Variants in ANKRD30A observed in about 807,000 individuals in gnomAD.
ANKRD30A encodes the protein ankyrin repeat domain 30A, also known as ankyrin repeat domain-containing protein 30A.
Under a neutral mutation model 166.3 loss-of-function variants are expected in ANKRD30A, and 170 were observed. That is an observed-to-expected ratio of 1.02 (90% CI 0.90 to 1.16). The LOEUF (loss-of-function observed/expected upper bound fraction) is 1.16. Among genes scored for constraint, ANKRD30A ranks in the 50% most tolerant of loss-of-function variants. The pLI, the probability that ANKRD30A is intolerant of heterozygous loss-of-function variation, is 0.00. For missense variants in ANKRD30A, 1,630 were observed against 1,518.0 expected, an observed-to-expected ratio of 1.07 and a Z score of -1.23; for synonymous variants, 564 against 508.9, an observed-to-expected ratio of 1.11 and a Z score of -1.46.
chr10:37,153,796 C>G (rs540798777), intron 13 of ANKRD30A, 134 bp downstream of exon 13: 8 of 1,267,906 alleles, frequency 6.3e-6, no homozygotes, highest in Non-Finnish European at 8.8e-6. Flanking sequence ...GTGCAATGGT[C>G]GTAAGTTGTA....
chr10:37,262,140 T>G, the ANKRD30A span, among the ~76,000 whole-genome samples: 3 of 152,230 alleles, frequency 2.0e-5, no homozygotes, highest in African/African-American at 7.2e-5. Flanking sequence ...GACAGGTGAT[T>G]AGCAGATTTC....
the ANKRD30A span, among the ~76,000 whole-genome samples, chr10:37,240,138 A>G: frequency 6.6e-6 from 1 of 152,236 alleles, no homozygotes; most frequent in South Asian, 2.1e-4. Context: ...ATTTTTGTAC[A>G]CATATTTAAT....
At chr10:37,194,714 C>A (rs1178110839) in intron 27 of ANKRD30A, among the ~76,000 whole-genome samples, 2 of 152,068 alleles carry the variant, frequency 1.3e-5, no homozygotes, top group South Asian at 4.1e-4. Context: ...GTTTGCTTAT[C>A]GAATATTTTA....
intron 1 of ANKRD30A, among the ~76,000 whole-genome samples, chr10:37,127,360 C>T (rs1198193003): frequency 6.6e-6 from 1 of 151,894 alleles, no homozygotes; most frequent in African/African-American, 2.4e-5. Context: ...TGCCTATTTA[C>T]ACAGATACAT....
At chr10:37,212,357 A>G (rs553470796) in intron 31 of ANKRD30A, among the ~76,000 whole-genome samples, 24 of 152,172 alleles carry the variant, frequency 1.6e-4, no homozygotes, top group South Asian at 4.1e-4. Flanking sequence ...CCACTGCCCA[A>G]TGAAATAAAA....
At chr10:37,195,666 T>G (rs548893626) in intron 27 of ANKRD30A, among the ~76,000 whole-genome samples, 1 of 152,310 alleles carries the variant, frequency 6.6e-6, no homozygotes, top group South Asian at 2.1e-4. Context: ...AGGCCGTGAC[T>G]GACAGATCAC....
intron 5 of ANKRD30A, 119 bp downstream of exon 5, chr10:37,134,172 G>C: frequency 4.3e-6 from 5 of 1,163,882 alleles, no homozygotes; most frequent in Non-Finnish European, 6.2e-6. Context: ...CTAGTTAGAA[G>C]GAGTATTGGG....
At chr10:37,158,744 C>T (rs557187368) in intron 15 of ANKRD30A, among the ~76,000 whole-genome samples, 158 bp downstream of exon 15, 46 of 152,158 alleles carry the variant, frequency 3.0e-4, no homozygotes, top group Non-Finnish European at 6.5e-4. Context: ...TGAGAAAATG[C>T]CATTTACAAG....
Position 37,179,500 on chromosome 10 carries a change from T to A in ANKRD30A, c.2421+3282T>A, listed in dbSNP as rs1840036129. Among the ~76,000 whole-genome samples the A allele has an allele frequency of 1.3e-5, 2 of 150,934 alleles. 1 individual carries two copies. The highest frequency in any genetic ancestry group is 3.0e-5 in the Non-Finnish European group (2 of 67,388). The stretch of plus-strand genomic sequence containing the variant: ...GCATACTATTCCTACATTATGGGAA[T>A]GAATACCCATATTCCAAGTATATGG... On this transcript the variant is annotated intron_variant, in intron 24 of 35. Transcript: ENST00000361713.
the ANKRD30A span, among the ~76,000 whole-genome samples, chr10:37,261,376 G>A: frequency 1.3e-5 from 2 of 152,056 alleles, no homozygotes; most frequent in African/African-American, 4.8e-5. Flanking sequence ...AACATGAGTA[G>A]TAAATATCCC....
chr10:37,253,979 GTTGTAGCGTGTA>G, the ANKRD30A span, among the ~76,000 whole-genome samples: 3 of 152,132 alleles, frequency 2.0e-5, no homozygotes, highest in Non-Finnish European at 4.4e-5. Context: ...GTGCATTCAT[GTTGTAGCGTGTA>G]TCAGCACTTC....
chr10:37,159,172 T>C (rs1433816201), intron 15 of ANKRD30A, among the ~76,000 whole-genome samples: 3 of 152,182 alleles, frequency 2.0e-5, no homozygotes, highest in Non-Finnish European at 4.4e-5. Flanking sequence ...TGCCTAGAGA[T>C]ACAAAACAGC....
intron 15 of ANKRD30A, among the ~76,000 whole-genome samples, chr10:37,161,945 A>G (rs573683033): frequency 6.6e-6 from 1 of 152,296 alleles, no homozygotes; most frequent in African/African-American, 2.4e-5. Flanking sequence ...GTGACTTAAC[A>G]ATATAAAAAA....
chr10:37,222,806 T>C (rs1192176741), intron 34 of ANKRD30A, among the ~76,000 whole-genome samples: 1 of 151,420 alleles, frequency 6.6e-6, no homozygotes, highest in Non-Finnish European at 1.5e-5. Context: ...TTCTAGTTGG[T>C]GCAGAACAAT....
chr10:37,229,965 T>A (rs1564601491), intron 34 of ANKRD30A, among the ~76,000 whole-genome samples: 1 of 151,946 alleles, frequency 6.6e-6, no homozygotes, highest in Non-Finnish European at 1.5e-5. Flanking sequence ...TTTACTCTTT[T>A]AGTTATTTTT....
chr10:37,165,967 T>G (rs1025781431), intron 18 of ANKRD30A, among the ~76,000 whole-genome samples: 3 of 152,152 alleles, frequency 2.0e-5, no homozygotes, highest in African/African-American at 4.8e-5. Flanking sequence ...ATACTTGTTT[T>G]CTTTCATTTA....
chr10:37,208,249 C>T (rs1842095907), intron 31 of ANKRD30A, among the ~76,000 whole-genome samples: 1 of 151,972 alleles, frequency 6.6e-6, no homozygotes, highest in African/African-American at 2.4e-5. Flanking sequence ...GTGTCTGTGC[C>T]CCTCATTAGG....
intron 18 of ANKRD30A, 148 bp downstream of exon 18, chr10:37,165,303 T>C (rs894003331): frequency 6.2e-6 from 5 of 805,180 alleles, no homozygotes. Context: ...ATGGAGAATC[T>C]ATGTGCTAAG....
In ANKRD30A at chr10:37,149,825, A is replaced by G; in HGVS notation, c.1621A>G (p.Lys541Glu). Residue 541 changes from lysine (K) to glutamate (E), a missense_variant, in exon 11 of 36, where the codon AAG (lysine) becomes GAG (glutamate). Lys to Glu is a moderately conservative substitution (Grantham distance 56, BLOSUM62 1). Coordinates refer to ENST00000361713, the MANE Select transcript of ANKRD30A (RefSeq NM_052997.3). Reference sequence around the variant, plus strand: ...TGTTCCAAATAAAGCCTTTGAATTGAAGAATGAACAAACATTGAGAGCAGG... The same window carrying G: ...TGTTCCAAATAAAGCCTTTGAATTGGAGAATGAACAAACATTGAGAGCAGG... The part of the protein sequence containing the change: ...NSVPNKAFEL[K>E]NEQTLRADPM... 6.2e-7 allele frequency: 1 copy of G among 1,612,886 alleles called. No individual in the cohort carries two copies. Among genetic ancestry groups the G allele is most frequent in the South Asian group, 1.1e-5 (1 of 91,036 alleles).
Sources: gnomAD v4.1 joint callset for allele counts (sites outside exome capture counted in the v4.1 genomes callset) on GRCh38, gnomAD v4.1.1 for gene constraint, MANE v1.5 for transcripts, NCBI Gene and HGNC (gene_info 2026-07-23, HGNC 2026-07-21) for gene names.